Variants in GADL1 observed in about 807,000 individuals in gnomAD.
GADL1 encodes the protein acidic amino acid decarboxylase GADL1.
In GADL1, 71 loss-of-function variants were observed where a neutral mutation model predicts 69.5. The observed-to-expected ratio is 1.02, with a 90% CI of 0.84 to 1.25. The LOEUF (loss-of-function observed/expected upper bound fraction) is 1.25, where lower values mean the gene tolerates loss of function less well. GADL1 is among the 50% of genes most tolerant of loss of function. GADL1 has a pLI of 0.00. For synonymous variants in GADL1, 254 were observed against 214.4 expected (o/e 1.18, Z -1.62); for missense variants, 737 against 631.8 (o/e 1.17, Z -1.79).
chr3:30,740,900 A>G (rs972046347), intron 14 of GADL1, among the ~76,000 whole-genome samples: 1 of 142,702 alleles, frequency 7.0e-6, no homozygotes, highest in Admixed American at 7.1e-5. Context: ...ACAAACAAAC[A>G]TATATATATC....
chr3:30,774,291 G>T (rs1310604417), intron 14 of GADL1, among the ~76,000 whole-genome samples: 1 of 152,128 alleles, frequency 6.6e-6, no homozygotes, highest in Admixed American at 6.6e-5. Flanking sequence ...ACTTTCAAAT[G>T]TCCTAGTAGA....
Position 30,783,047 on chromosome 3 carries a change from G to GCA in GADL1, c.1302+3307_1302+3308insTG, listed in dbSNP as rs1461274382. 2.4e-4 allele frequency among the ~76,000 whole-genome samples: 36 copies of GCA among 152,320 alleles called. No homozygotes were observed. In the East Asian group the frequency reaches 6.0e-3, roughly 25 times the overall value. ...CTATCTGGAAGAGGAATGAACTAGT[G>GCA]AATTCTCTGCAAATAGGAAGTATTC... On this transcript the variant is annotated intron_variant, in intron 13 of 14. Coordinates refer to ENST00000282538, the MANE Select transcript of GADL1 (RefSeq NM_207359.3).
At chr3:30,813,091 C>T (rs1354426239) in intron 11 of GADL1, among the ~76,000 whole-genome samples, 2 of 152,078 alleles carry the variant, frequency 1.3e-5, no homozygotes, top group African/African-American at 2.4e-5. Context: ...AAATTTTTGG[C>T]ATATCTGGGA....
At chr3:30,779,050 C>T (rs1696600555) in intron 13 of GADL1, 1 of 152,184 alleles carries the variant, frequency 6.6e-6, no homozygotes, top group African/African-American at 2.4e-5. Flanking sequence ...ATCTTCCCTG[C>T]CAGTCTGTTT....
intron 12 of GADL1, 90 bp downstream of exon 12, chr3:30,800,799 A>G (rs565478893): frequency 1.6e-5 from 17 of 1,037,350 alleles, no homozygotes; most frequent in East Asian, 2.5e-5. Context: ...TATTACAGAC[A>G]CAGATAGACA....
At chr3:30,780,921 G>C (rs930349746) in intron 13 of GADL1, among the ~76,000 whole-genome samples, 4 of 152,176 alleles carry the variant, frequency 2.6e-5, no homozygotes, top group African/African-American at 4.8e-5. Context: ...ACTTTTTCCT[G>C]TCTCTGCCTC....
chr3:30,845,306 A>C (rs1698035609), intron 6 of GADL1, among the ~76,000 whole-genome samples: 2 of 152,202 alleles, frequency 1.3e-5, no homozygotes, highest in African/African-American at 2.4e-5. Context: ...AATAATTAGC[A>C]TGCAAACATT....
At chr3:30,874,489 A>C (rs970940275) in intron 1 of GADL1, among the ~76,000 whole-genome samples, 1 of 151,904 alleles carries the variant, frequency 6.6e-6, no homozygotes, top group Admixed American at 6.6e-5. Context: ...ATTTATGTGT[A>C]AGATTTTGGG....
At chr3:30,826,316 AT>A (rs773431842) in intron 11 of GADL1, among the ~76,000 whole-genome samples, 1 of 151,832 alleles carries the variant, frequency 6.6e-6, no homozygotes, top group Non-Finnish European at 1.5e-5. Context: ...CTTTCTGGTT[AT>A]TTTTTAGCAA....
At chr3:30,829,291 T>A (rs1697746942) in intron 11 of GADL1, among the ~76,000 whole-genome samples, 1 of 151,864 alleles carries the variant, frequency 6.6e-6, no homozygotes, top group African/African-American at 2.4e-5. Context: ...TCAGCTGTGC[T>A]TTGTTCCTGA....
At chr3:30,766,777 C>T (rs1350854136) in intron 14 of GADL1, among the ~76,000 whole-genome samples, 1 of 71,798 alleles carries the variant, frequency 1.4e-5, no homozygotes, top group African/African-American at 3.0e-5. Flanking sequence ...TAGCAGAGGA[C>T]AAGGTAAGAA....
chr3:30,730,252 A>G (rs543351119), intron 14 of GADL1, among the ~76,000 whole-genome samples: 23 of 152,306 alleles, frequency 1.5e-4, no homozygotes, highest in African/African-American at 5.5e-4. Context: ...CCATGTATGC[A>G]AGTAGTAATT....
chr3:30,801,252 A>G (rs1237419065), intron 11 of GADL1, among the ~76,000 whole-genome samples, 164 bp from the exon 12 acceptor site: 1 of 152,202 alleles, frequency 6.6e-6, no homozygotes, highest in African/African-American at 2.4e-5. Context: ...TGACTTTCAG[A>G]TACACATTAC....
At chr3:30,760,583 ATC>A (rs1186444599) in intron 14 of GADL1, among the ~76,000 whole-genome samples, 2 of 152,116 alleles carry the variant, frequency 1.3e-5, no homozygotes, top group African/African-American at 2.4e-5. Context: ...TATACACAAA[ATC>A]TGTTATCTTC....
rs1173035252 is a variant in GADL1, at chr3:30,838,997, A to T, written c.903T>A (p.Asp301Glu). Reference protein sequence around the residue: ...CERHSLWLHVDASWGGSALMS... With the variant: ...CERHSLWLHVEASWGGSALMS... ...GGTATGTACACATAAATGAACTTAC[A>T]TCTACATGAAGCCAGAGGCTGTGCC... Residue 301 changes from aspartate to glutamate, a missense_variant and splice_region_variant, in exon 9 of 15, where the codon GAT (aspartate) becomes GAA (glutamate). Physicochemically the swap from Asp to Glu is conservative, Grantham distance 45. Transcript: ENST00000282538. The T allele has an allele frequency of 6.4e-7, 1 of 1,560,558 alleles. No individual in the cohort carries two copies. The highest frequency in any genetic ancestry group is 8.8e-7 in the Non-Finnish European group (1 of 1,141,034).
chr3:30,800,555 C>A, intron 12 of GADL1: 1 of 246,970 alleles, frequency 4.0e-6, no homozygotes, highest in Non-Finnish European at 7.8e-6. Flanking sequence ...GCCTCAAGAA[C>A]ACACTAGAGA....
chr3:30,773,968 C>CTTT (rs1402916017), intron 14 of GADL1, among the ~76,000 whole-genome samples: 3 of 152,086 alleles, frequency 2.0e-5, no homozygotes, highest in East Asian at 1.9e-4. Context: ...TGAAAGATAT[C>CTTT]CAGTACCCAA....
Position 30,825,224 on chromosome 3 carries a change from C to T in GADL1, c.1050+8629G>A, listed in dbSNP as rs532403699. On this transcript the variant is annotated intron_variant, in intron 11 of 14. Transcript: ENST00000282538. ...ATATTTTTTCTGTGGGCATTGGGAT[C>T]CCTACTTAAAAAATAAGCTTGCTAT... 2.0e-4 allele frequency among the ~76,000 whole-genome samples: 30 copies of T among 151,946 alleles called. No individual in the cohort carries two copies. The South Asian group carries it at 5.8e-3, about 29-fold the overall frequency.
At chr3:30,760,970 TAATA>T (rs548869954) in intron 14 of GADL1, among the ~76,000 whole-genome samples, 1,211 of 115,472 alleles carry the variant, frequency 0.01, 7 homozygotes, top group Non-Finnish European at 0.014. Flanking sequence ...AATCAATGGC[TAATA>T]AATATTTACC....
Sources: gnomAD v4.1 joint callset for allele counts (sites outside exome capture counted in the v4.1 genomes callset) on GRCh38, gnomAD v4.1.1 for gene constraint, MANE v1.5 for transcripts, NCBI Gene and HGNC (gene_info 2026-07-23, HGNC 2026-07-21) for gene names.